ATP11C: variants seen among roughly 807,000 people sequenced by gnomAD.
The protein encoded by ATP11C is phospholipid-transporting ATPase IG.
ATP11C carries 36 observed loss-of-function variants against 97.4 expected under a neutral mutation model. That is an observed-to-expected ratio of 0.37 (90% CI 0.28 to 0.49). ATP11C has a LOEUF of 0.49. Among genes scored for constraint, ATP11C ranks in the 20% least tolerant of loss-of-function variants. The probability of loss-of-function intolerance (pLI) is 0.98; values close to 1 mark genes in which losing one functional copy is unlikely to be tolerated. For synonymous variants in ATP11C, 275 were observed against 290.9 expected (o/e 0.95, Z 0.56); for missense variants, 730 against 824.6 (o/e 0.89, Z 1.40).
At chrX:139,746,007 G>T in intron 24 of ATP11C, 150 bp from the exon 25 acceptor site, 1 of 537,868 alleles carries the variant, frequency 1.9e-6, no homozygotes, top group Non-Finnish European at 2.9e-6. Flanking sequence ...GGGTCAGACT[G>T]AGCCAAAGGC....
At chrX:139,866,410 G>T (rs1297512943) in intron 1 of ATP11C, among the ~76,000 whole-genome samples, 1 of 103,980 alleles carries the variant, frequency 9.6e-6, no homozygotes, top group Non-Finnish European at 2.0e-5. Context: ...ACCTGCCCAT[G>T]ATCACACAGA....
chrX:139,761,888 G>T, intron 22 of ATP11C, 73 bp downstream of exon 22: 5 of 737,689 alleles, frequency 6.8e-6, no homozygotes, highest in Non-Finnish European at 9.0e-6. Flanking sequence ...AAAAAAGGAA[G>T]AACAAAACCA....
At chrX:139,913,899 G>A (rs1321144321) in intron 1 of ATP11C, among the ~76,000 whole-genome samples, 1 of 111,524 alleles carries the variant, frequency 9.0e-6, no homozygotes, top group Non-Finnish European at 1.9e-5. Flanking sequence ...ATAAAATTCA[G>A]TTCAAACTCA....
chrX:139,829,360 A>G (rs1400129303), intron 1 of ATP11C, among the ~76,000 whole-genome samples: 1 of 112,066 alleles, frequency 8.9e-6, no homozygotes, highest in East Asian at 2.8e-4. Flanking sequence ...TGGTTCACAT[A>G]AAAAATAGCA....
At chrX:139,870,872 C>T (rs1028812452) in intron 1 of ATP11C, among the ~76,000 whole-genome samples, 1 of 109,608 alleles carries the variant, frequency 9.1e-6, no homozygotes, top group East Asian at 2.9e-4. Context: ...CTGGCTAACA[C>T]GGTGAAACCC....
intron 5 of ATP11C, among the ~76,000 whole-genome samples, chrX:139,806,849 C>G (rs760196027): frequency 2.7e-5 from 3 of 111,492 alleles, no homozygotes; most frequent in Non-Finnish European, 3.8e-5. Flanking sequence ...TCATCTGCAT[C>G]TAGGAGAAAG....
intron 2 of ATP11C, among the ~76,000 whole-genome samples, chrX:139,822,085 CAA>C (rs147297958): frequency 1.9e-5 from 2 of 105,984 alleles, no homozygotes; most frequent in Non-Finnish European, 3.9e-5. Context: ...ACCTCTATGG[CAA>C]AAAAAAAAGT....
intron 1 of ATP11C, among the ~76,000 whole-genome samples, chrX:139,867,793 T>C (rs1001891234): frequency 8.9e-6 from 1 of 111,855 alleles, no homozygotes; most frequent in Admixed American, 9.5e-5. Context: ...AGTTCACCTA[T>C]TGCTGAAGAA....
chrX:139,734,436 C>T (rs961857076), intron 28 of ATP11C, among the ~76,000 whole-genome samples: 2 of 111,283 alleles, frequency 1.8e-5, no homozygotes, highest in Admixed American at 9.5e-5. Context: ...CAAGCTTCAG[C>T]GAAGTTAAGC....
intron 23 of ATP11C, among the ~76,000 whole-genome samples, chrX:139,753,757 C>T (rs2081873440): frequency 9.1e-6 from 1 of 109,675 alleles, no homozygotes; most frequent in South Asian, 3.9e-4. Flanking sequence ...GGCAGTGAGC[C>T]GAAATCACGC....
intron 1 of ATP11C, among the ~76,000 whole-genome samples, chrX:139,894,088 G>A (rs187060262): frequency 1.8e-5 from 2 of 111,658 alleles, no homozygotes; most frequent in Non-Finnish European, 3.8e-5. Flanking sequence ...TTGATTATGA[G>A]ATTTTGCTGC....
chrX:139,739,311 A>C lies in ATP11C; in HGVS notation c.3135-1242T>G, dbSNP rs1165614873. ...TTTTTGTTTTTTTTTTTTAACCTCC[A>C]TGTCATCTATGGAGTTTTGTAGTAG... On this transcript the variant is annotated intron_variant, in intron 27 of 29. Coordinates refer to ENST00000682941, the MANE Select transcript of ATP11C (RefSeq NM_001353812.2). Among the ~76,000 whole-genome samples the C allele has an allele frequency of 4.6e-5, 5 of 108,003 alleles. No individual in the cohort carries two copies. The Admixed American group carries it at 5.0e-4, about 11-fold the overall frequency. The allele number at this position is 108,003 out of a possible 115,157, so 93.8% of individuals were successfully genotyped here.
intron 29 of ATP11C, among the ~76,000 whole-genome samples, chrX:139,729,365 TACTC>T (rs1174238047): frequency 8.9e-6 from 1 of 111,890 alleles, no homozygotes; most frequent in Non-Finnish European, 1.9e-5. Flanking sequence ...ACACAGCAGA[TACTC>T]AGGAAATGTT....
chrX:139,798,408 C>T, intron 9 of ATP11C, 54 bp from the exon 10 acceptor site: 1 of 952,932 alleles, frequency 1.0e-6, no homozygotes. Context: ...CAACTCCTCA[C>T]CCAGCTGGCT....
At chrX:139,781,938 A>C (rs771829815) in intron 18 of ATP11C, among the ~76,000 whole-genome samples, 1 of 111,058 alleles carries the variant, frequency 9.0e-6, no homozygotes, top group Admixed American at 9.6e-5. Context: ...CTATTTGATA[A>C]TATGTGCATA....
chrX:139,853,957 G>A (rs1460449598), intron 1 of ATP11C, among the ~76,000 whole-genome samples: 1 of 110,768 alleles, frequency 9.0e-6, no homozygotes, highest in African/African-American at 3.3e-5. Flanking sequence ...AACGCAGCAG[G>A]TTTCCTAACA....
At chrX:139,908,292 T>C (rs1267264901) in intron 1 of ATP11C, among the ~76,000 whole-genome samples, 2 of 111,874 alleles carry the variant, frequency 1.8e-5, no homozygotes, top group African/African-American at 6.5e-5. Context: ...CCTCATTCCT[T>C]CAGTTATCTG....
At chrX:139,853,103 G>A (rs899142304) in intron 1 of ATP11C, among the ~76,000 whole-genome samples, 6 of 111,686 alleles carry the variant, frequency 5.4e-5, no homozygotes, top group African/African-American at 2.0e-4. Context: ...CCTGGTTTCA[G>A]GGGTTGAGAC....
intron 1 of ATP11C, among the ~76,000 whole-genome samples, chrX:139,871,612 A>G (rs2055009806): frequency 2.0e-5 from 2 of 101,276 alleles, no homozygotes; most frequent in Non-Finnish European, 3.9e-5. Context: ...CTCAACCTCC[A>G]TGGGCTCAGG....
Sources: allele counts gnomAD v4.1 joint callset (sites outside exome capture counted in the v4.1 genomes callset), GRCh38; gene constraint gnomAD v4.1.1; transcripts MANE v1.5; gene names NCBI Gene and HGNC (gene_info 2026-07-23, HGNC 2026-07-21).